Variants in NRG3 observed in about 807,000 individuals in gnomAD.
NRG3 encodes pro-neuregulin-3, membrane-bound isoform.
Under a neutral mutation model 66.9 loss-of-function variants are expected in NRG3, and 31 were observed. The ratio of observed to expected loss-of-function variants is 0.46; its 90% CI spans 0.35 to 0.63. The LOEUF (loss-of-function observed/expected upper bound fraction) is 0.63, where lower values mean the gene tolerates loss of function less well. Ranked by LOEUF, NRG3 falls within the 20% of genes least tolerant of loss-of-function variation. The probability of loss-of-function intolerance (pLI) is 0.00; values close to 1 mark genes in which losing one functional copy is unlikely to be tolerated. For synonymous variants in NRG3, 393 were observed against 359.4 expected (o/e 1.09, Z -1.06); for missense variants, 910 against 878.9 (o/e 1.04, Z -0.45).
chr10:82,644,903 T>G (rs1165563795), intron 2 of NRG3, among the ~76,000 whole-genome samples: 1 of 152,164 alleles, frequency 6.6e-6, no homozygotes, highest in Non-Finnish European at 1.5e-5. Flanking sequence ...TATTGAAGTT[T>G]AAGTGAGTGT....
chr10:82,734,657 C>T (rs1434931590), intron 2 of NRG3, among the ~76,000 whole-genome samples: 2 of 152,200 alleles, frequency 1.3e-5, no homozygotes, highest in East Asian at 3.9e-4. Context: ...GTCTCCTCAA[C>T]TATGCCCTTC....
intron 1 of NRG3, among the ~76,000 whole-genome samples, chr10:82,046,099 G>T (rs1224919975): frequency 7.0e-6 from 1 of 142,702 alleles, no homozygotes; most frequent in Non-Finnish European, 1.5e-5. Context: ...TTCCAATTCT[G>T]TGAAGAAAGT....
At chr10:82,118,527 C>T (rs560474249) in intron 1 of NRG3, among the ~76,000 whole-genome samples, 2 of 151,940 alleles carry the variant, frequency 1.3e-5, no homozygotes, top group South Asian at 2.1e-4. Flanking sequence ...ACTATTTAAA[C>T]GTTTATTTTA....
chr10:82,707,018 A>ATATATAT (rs2056344007), intron 2 of NRG3, among the ~76,000 whole-genome samples: 17 of 141,330 alleles, frequency 1.2e-4, no homozygotes, highest in African/African-American at 4.2e-4. Context: ...AAATAAAATA[A>ATATATAT]ATATATATAT....
At chr10:81,914,195 C>A (rs1435100103) in intron 1 of NRG3, among the ~76,000 whole-genome samples, 1 of 152,088 alleles carries the variant, frequency 6.6e-6, no homozygotes, top group Non-Finnish European at 1.5e-5. Flanking sequence ...ACACGTATTA[C>A]CTTTATAATA....
chr10:82,836,324 A>T (rs1001506997), intron 3 of NRG3, among the ~76,000 whole-genome samples: 5 of 152,190 alleles, frequency 3.3e-5, no homozygotes, highest in Non-Finnish European at 7.3e-5. Flanking sequence ...TGCAGGACAT[A>T]AGGAAAGAAT....
intron 1 of NRG3, among the ~76,000 whole-genome samples, chr10:82,292,373 C>A (rs1229583150): frequency 6.6e-6 from 1 of 152,088 alleles, no homozygotes; most frequent in Non-Finnish European, 1.5e-5. Flanking sequence ...ACCTCTGAAA[C>A]ATGGCTGGTG....
At chr10:82,552,233 C>A (rs1319752716) in intron 2 of NRG3, among the ~76,000 whole-genome samples, 3 of 151,930 alleles carry the variant, frequency 2.0e-5, no homozygotes, top group Non-Finnish European at 2.9e-5. Flanking sequence ...ATTTAGTTAC[C>A]CAATGATATT....
At chr10:82,908,194 A>G (rs932392361) in intron 4 of NRG3, among the ~76,000 whole-genome samples, 1 of 152,208 alleles carries the variant, frequency 6.6e-6, no homozygotes, top group Admixed American at 6.5e-5. Context: ...AGCTGCCATG[A>G]GGAGGTGGTC....
chr10:82,239,082 G>A lies in NRG3; in HGVS notation c.824-119657G>A, dbSNP rs533889559. Among the ~76,000 whole-genome samples the A allele has an allele frequency of 7.9e-5, 12 of 151,066 alleles. No individual in the cohort carries two copies. In the South Asian group the frequency reaches 2.5e-3, roughly 32 times the overall value. On this transcript the variant is annotated intron_variant, in intron 1 of 8. Transcript: ENST00000372141. Reference sequence around the variant, plus strand: ...TGTATCTGCTGTTAGCTTAGTTCCAGTTTTATTTTGATATATAGTATGAGC... The same window carrying A: ...TGTATCTGCTGTTAGCTTAGTTCCAATTTTATTTTGATATATAGTATGAGC...
chr10:82,825,838 T>C (rs1564539464), intron 3 of NRG3, among the ~76,000 whole-genome samples: 1 of 152,224 alleles, frequency 6.6e-6, no homozygotes, highest in Non-Finnish European at 1.5e-5. Flanking sequence ...AATATAATTA[T>C]GTTTGGTCCA....
intron 5 of NRG3, among the ~76,000 whole-genome samples, chr10:82,956,547 G>T (rs1850070671): frequency 6.6e-6 from 1 of 151,878 alleles, no homozygotes; most frequent in Admixed American, 6.5e-5. Flanking sequence ...AATTATAAAA[G>T]GATTTAGGAA....
At position 82,722,717 on chromosome 10, in the gene NRG3, T is replaced by A. The variant is rs562087691; in HGVS notation, c.954-15860T>A. On this transcript the variant is annotated intron_variant, in intron 2 of 8. Transcript: ENST00000372141. ...AGCACACTAAGCCTCTATTTCTTGCTTTATCTACTTTAGATATGGAGCATT... is the reference window on the plus strand; with the variant it reads ...AGCACACTAAGCCTCTATTTCTTGCATTATCTACTTTAGATATGGAGCATT... Among the ~76,000 whole-genome samples the A allele has an allele frequency of 2.0e-5, 3 of 152,310 alleles. No homozygotes were observed. The East Asian group carries it at 5.8e-4, about 29-fold the overall frequency.
intron 2 of NRG3, among the ~76,000 whole-genome samples, chr10:82,559,139 A>T (rs1590666019): frequency 6.6e-6 from 1 of 151,010 alleles, no homozygotes; most frequent in South Asian, 2.1e-4. Context: ...TCATCTATGT[A>T]TTTTTTTTTC....
chr10:82,604,997 G>A (rs1447450419), intron 2 of NRG3, among the ~76,000 whole-genome samples: 4 of 151,864 alleles, frequency 2.6e-5, no homozygotes, highest in African/African-American at 9.7e-5. Flanking sequence ...TACAAACACA[G>A]GTTTTTCTCC....
intron 2 of NRG3, among the ~76,000 whole-genome samples, chr10:82,709,410 T>C (rs1486917076): frequency 6.6e-6 from 1 of 151,942 alleles, no homozygotes; most frequent in Non-Finnish European, 1.5e-5. Flanking sequence ...TGAGATGGAC[T>C]CTTTCTCTGT....
At chr10:82,085,632 C>T (rs117783201) in intron 1 of NRG3, among the ~76,000 whole-genome samples, 2 of 151,994 alleles carry the variant, frequency 1.3e-5, no homozygotes, top group Non-Finnish European at 2.9e-5. Context: ...TTAACCCATT[C>T]ACCTCTTTTT....
chr10:82,395,731 C>T (rs1589974503), intron 2 of NRG3, among the ~76,000 whole-genome samples: 1 of 152,214 alleles, frequency 6.6e-6, no homozygotes, highest in East Asian at 1.9e-4. Context: ...CCCATTCATC[C>T]ACTTATGAAT....
chr10:82,183,799 A>T (rs2073607080), intron 1 of NRG3, among the ~76,000 whole-genome samples: 1 of 152,056 alleles, frequency 6.6e-6, no homozygotes, highest in African/African-American at 2.4e-5. Context: ...ACAAAGAATT[A>T]TCTAACCTCA....
Sources: gnomAD v4.1 joint callset for allele counts (sites outside exome capture counted in the v4.1 genomes callset) on GRCh38, gnomAD v4.1.1 for gene constraint, MANE v1.5 for transcripts, NCBI Gene and HGNC (gene_info 2026-07-23, HGNC 2026-07-21) for gene names.